The following ARL3 variants were observed in gnomAD, a reference collection of about 807,000 sequenced individuals.
ARL3 encodes the protein ARF like GTPase 3, also known as ADP-ribosylation factor-like protein 3.
In ARL3, 9 loss-of-function variants were observed where a neutral mutation model predicts 26.0. The ratio of observed to expected loss-of-function variants is 0.35; its 90% confidence interval spans 0.21 to 0.60. ARL3 has a LOEUF of 0.60. Ranked by LOEUF, ARL3 falls within the 20% of genes least tolerant of loss-of-function variation. The pLI is 0.78. For synonymous variants in ARL3, 71 were observed against 78.4 expected (o/e 0.91, Z 0.50); for missense variants, 158 against 215.7 (o/e 0.73, Z 1.67).
At chr10:102,713,748 AC>A (rs1391263232) in intron 1 of ARL3, among the ~76,000 whole-genome samples, 2 of 151,370 alleles carry the variant, frequency 1.3e-5, no homozygotes, top group African/African-American at 4.9e-5. Context: ...TTACTTCCCT[AC>A]CCCCCAGGGG....
rs1466539435 is a variant in ARL3 at position 102,705,456 on chromosome 10, C to A, written c.37G>T (p.Ala13Ser). 7 of 1,604,194 alleles carry A rather than the reference C, an allele frequency of 4.4e-6. No individual in the cohort carries two copies. The East Asian group carries it at 1.3e-4, about 31-fold the overall frequency. ...AGTATTCTCACCTCCTGGTCTGGTG[C>A]ACTTTTCAACTTGCGCAAAATTGAG... Reference protein sequence around the residue: ...LLSILRKLKSAPDQEVRILLL... With the variant: ...LLSILRKLKSSPDQEVRILLL... Residue 13 changes from alanine (A) to serine (S), a missense_variant, in exon 2 of 6, where the codon GCA becomes TCA. Transcript: ENST00000260746.
At chr10:102,707,520 C>T in intron 1 of ARL3, among the ~76,000 whole-genome samples, 1 of 152,140 alleles carries the variant, frequency 6.6e-6, no homozygotes, top group East Asian at 1.9e-4. Flanking sequence ...GAAATTCCTT[C>T]AAACTGAGTC....
At position 102,708,886 on chromosome 10, in the gene ARL3, T is replaced by TAATATATATA. The variant is rs60736499; in HGVS notation, c.4-3398_4-3397insTATATATATT. On this transcript the variant is annotated intron_variant, in intron 1 of 5. Coordinates refer to ENST00000260746, the MANE Select transcript of ARL3 (RefSeq NM_004311.4). ...CAAAAACAAAAAATAAAACCATATA[T>TAATATATATA]TATATATATATATATATATATATTT... Among the ~76,000 whole-genome samples the TAATATATATA allele has an allele frequency of 7.4e-4, 67 of 90,458 alleles. 7 individuals carry two copies. The highest frequency in any genetic ancestry group is 1.5e-3 in the South Asian group (4 of 2,688). 59.3% of individuals were successfully genotyped at this position (90,458 alleles called of 152,430 possible).
At chr10:102,697,180 A>ATT (rs544638326) in intron 3 of ARL3, among the ~76,000 whole-genome samples, 5 of 145,372 alleles carry the variant, frequency 3.4e-5, no homozygotes, top group Non-Finnish European at 4.6e-5. Flanking sequence ...CTTTATTATA[A>ATT]TTTTTTTTTT....
At chr10:102,687,858 G>A (rs2064195772) in intron 4 of ARL3, among the ~76,000 whole-genome samples, 1 of 152,068 alleles carries the variant, frequency 6.6e-6, no homozygotes, top group Non-Finnish European at 1.5e-5. Flanking sequence ...TCATTCAAGG[G>A]AGAAGACAAG....
intron 4 of ARL3, among the ~76,000 whole-genome samples, chr10:102,686,631 ATTTCTGTATTTTTAG>A (rs2064188461): frequency 6.6e-6 from 1 of 150,824 alleles, no homozygotes; most frequent in Non-Finnish European, 1.5e-5. Context: ...TGCCCAGCTA[ATTTCTGTATTTTTAG>A]TAGAGATGGG....
chr10:102,684,713 A>C (rs893924822), intron 5 of ARL3, among the ~76,000 whole-genome samples: 49 of 151,302 alleles, frequency 3.2e-4, no homozygotes, highest in Non-Finnish European at 2.5e-4. Context: ...ATCTTGGCTC[A>C]CTGGAACCTT....
At chr10:102,695,436 A>G (rs2064242014) in intron 3 of ARL3, among the ~76,000 whole-genome samples, 1 of 152,232 alleles carries the variant, frequency 6.6e-6, no homozygotes. Context: ...ATATAAAGGA[A>G]AGCAACCGAC....
At chr10:102,711,725 C>G (rs1380952865) in intron 1 of ARL3, among the ~76,000 whole-genome samples, 2 of 151,738 alleles carry the variant, frequency 1.3e-5, no homozygotes, top group Admixed American at 6.6e-5. Context: ...CCACTGCACT[C>G]CAGTCTGGGT....
chr10:102,696,861 G>A (rs2064251099), intron 3 of ARL3, among the ~76,000 whole-genome samples: 1 of 152,212 alleles, frequency 6.6e-6, no homozygotes, highest in South Asian at 2.1e-4. Context: ...AAGTGGAGAT[G>A]TCAAATAGGC....
rs2064182343 is a variant in ARL3, at chr10:102,685,979, TC to T, written c.337del (p.Glu113LysfsTer4). On this transcript the variant is annotated frameshift_variant, in exon 5 of 6. Coordinates refer to ENST00000260746, the MANE Select transcript of ARL3 (RefSeq NM_004311.4). LOFTEE classifies it high-confidence loss of function. ...TGQELAELLE[E>X]EKLSCVPVLI... Reference sequence around the variant, plus strand: ...CACTGGCACACAACTTAGTTTTTCTTCCTCCAGTAATTCCGCTAGTTCCTGG... The same window carrying T: ...CACTGGCACACAACTTAGTTTTTCTTCTCCAGTAATTCCGCTAGTTCCTGG... 1.2e-6 allele frequency: 2 copies of T among 1,613,552 alleles called. No individual in the cohort carries two copies. Among genetic ancestry groups the T allele is most frequent in the Non-Finnish European group, 1.7e-6 (2 of 1,179,832 alleles).
At chr10:102,706,429 T>G (rs974123199) in intron 1 of ARL3, among the ~76,000 whole-genome samples, 2 of 151,798 alleles carry the variant, frequency 1.3e-5, no homozygotes, top group African/African-American at 4.8e-5. Context: ...CCAGCCTGGG[T>G]GACAGAGCAA....
intron 2 of ARL3, among the ~76,000 whole-genome samples, chr10:102,703,585 A>G (rs2064292533): frequency 6.6e-6 from 1 of 150,578 alleles, no homozygotes; most frequent in Non-Finnish European, 1.5e-5. Context: ...CTGGGACTAC[A>G]GGTGCCCACT....
At chr10:102,690,478 G>A (rs1278728866) in intron 3 of ARL3, among the ~76,000 whole-genome samples, 1 of 151,752 alleles carries the variant, frequency 6.6e-6, no homozygotes, top group African/African-American at 2.4e-5. Flanking sequence ...TAGAGACGGC[G>A]TTTCACCATG....
chr10:102,709,961 G>A (rs553126474), intron 1 of ARL3, among the ~76,000 whole-genome samples: 2 of 150,736 alleles, frequency 1.3e-5, no homozygotes, highest in Admixed American at 1.3e-4. Flanking sequence ...TTGAACCTGC[G>A]AGGTGGAGGT....
At chr10:102,706,312 G>A (rs939494641) in intron 1 of ARL3, among the ~76,000 whole-genome samples, 2 of 152,142 alleles carry the variant, frequency 1.3e-5, no homozygotes, top group Admixed American at 6.5e-5. Context: ...TTAGTCGGGC[G>A]TGGTGGCAGG....
chr10:102,686,884 T>C (rs1250172976), intron 4 of ARL3, among the ~76,000 whole-genome samples: 1 of 134,314 alleles, frequency 7.4e-6, no homozygotes, highest in African/African-American at 2.8e-5. Context: ...TTTTTTTTTT[T>C]TTTTTTTTTT....
chr10:102,710,429 C>T (rs1393117920), intron 1 of ARL3, among the ~76,000 whole-genome samples: 1 of 152,166 alleles, frequency 6.6e-6, no homozygotes, highest in African/African-American at 2.4e-5. Context: ...TTCTGTGCAT[C>T]TATACATATA....
chr10:102,706,383 C>T (rs1243679810), intron 1 of ARL3, among the ~76,000 whole-genome samples: 4 of 151,784 alleles, frequency 2.6e-5, no homozygotes, highest in East Asian at 3.9e-4. Flanking sequence ...ACCTGGGAGG[C>T]GGAGGTTGCA....
Sources: gnomAD v4.1 joint callset for allele counts (sites outside exome capture counted in the v4.1 genomes callset) on GRCh38, gnomAD v4.1.1 for gene constraint, MANE v1.5 for transcripts, NCBI Gene and HGNC (gene_info 2026-07-23, HGNC 2026-07-21) for gene names.